SLC9A9: variants seen among roughly 807,000 people sequenced by gnomAD.
SLC9A9 encodes sodium/hydrogen exchanger 9.
Under a neutral mutation model 77.8 loss-of-function variants are expected in SLC9A9, and 62 were observed. The ratio of observed to expected loss-of-function variants is 0.80; its 90% confidence interval spans 0.65 to 0.98. SLC9A9 has a LOEUF of 0.98. Ranked by LOEUF, SLC9A9 falls within the 50% of genes least tolerant of loss-of-function variation. The pLI is 0.00. For missense variants in SLC9A9, 775 were observed against 774.9 expected, an observed-to-expected ratio of 1.00 and a Z score of 0.00; for synonymous variants, 320 against 283.5, an observed-to-expected ratio of 1.13 and a Z score of -1.29.
rs868591297 is a variant in SLC9A9, at chr3:143,786,650, C to T, written c.533+8351G>A. On this transcript the variant is annotated intron_variant, in intron 4 of 15. Coordinates refer to ENST00000316549, the MANE Select transcript of SLC9A9 (RefSeq NM_173653.4). ...GCTGTGATATGCATATGAGAAACCA[C>T]ACTGCTATGCAGCTTGGGTTGTACT... Among the ~76,000 whole-genome samples the T allele has an allele frequency of 6.6e-5, 10 of 152,322 alleles. No individual in the cohort carries two copies. The East Asian group carries it at 7.7e-4, about 12-fold the overall frequency.
chr3:143,421,816 G>C (rs1343380857), intron 12 of SLC9A9, among the ~76,000 whole-genome samples: 1 of 152,144 alleles, frequency 6.6e-6, no homozygotes, highest in African/African-American at 2.4e-5. Flanking sequence ...CACAGAATAG[G>C]AGAAAATATT....
At chr3:143,674,881 T>C (rs1171771974) in intron 5 of SLC9A9, among the ~76,000 whole-genome samples, 1 of 152,236 alleles carries the variant, frequency 6.6e-6, no homozygotes, top group Non-Finnish European at 1.5e-5. Flanking sequence ...TTCATCTCAA[T>C]AATTCTTGAC....
At chr3:143,379,701 G>T (rs868266257) in intron 13 of SLC9A9, among the ~76,000 whole-genome samples, 1 of 152,126 alleles carries the variant, frequency 6.6e-6, no homozygotes, top group African/African-American at 2.4e-5. Context: ...CACTTGAGGA[G>T]AGGGTATTAT....
chr3:143,595,740 G>A (rs190645657), intron 6 of SLC9A9, among the ~76,000 whole-genome samples: 309 of 152,276 alleles, frequency 2.0e-3, no homozygotes, highest in African/African-American at 7.1e-3. Flanking sequence ...GGGAATAAAC[G>A]TGGGCAATAA....
chr3:143,599,480 A>C (rs2037810063), intron 6 of SLC9A9, among the ~76,000 whole-genome samples: 2 of 152,158 alleles, frequency 1.3e-5, no homozygotes, highest in South Asian at 4.1e-4. Flanking sequence ...GTTGCTATTA[A>C]TTGTAGTTGA....
chr3:143,419,255 C>T (rs532653852), intron 12 of SLC9A9, among the ~76,000 whole-genome samples: 5 of 152,294 alleles, frequency 3.3e-5, no homozygotes, highest in African/African-American at 9.6e-5. Context: ...CTAAGCACCT[C>T]ACGTAGAGAA....
intron 11 of SLC9A9, among the ~76,000 whole-genome samples, chr3:143,486,285 C>A (rs2035651671): frequency 6.6e-6 from 1 of 152,048 alleles, no homozygotes; most frequent in Non-Finnish European, 1.5e-5. Flanking sequence ...ATCATTGAAC[C>A]TATCCTTTAA....
At chr3:143,811,720 C>T (rs968142758) in intron 2 of SLC9A9, 19 of 454,774 alleles carry the variant, frequency 4.2e-5, no homozygotes, top group Non-Finnish European at 7.1e-5. Flanking sequence ...AAATTAGCCA[C>T]GCACAGTGGC....
At chr3:143,836,893 G>T (rs2009582522) in intron 1 of SLC9A9, among the ~76,000 whole-genome samples, 1 of 152,018 alleles carries the variant, frequency 6.6e-6, no homozygotes, top group Non-Finnish European at 1.5e-5. Context: ...CTTCCCTTCT[G>T]CCAAATCCTG....
chr3:143,296,013 G>A (rs1001795311), intron 14 of SLC9A9, among the ~76,000 whole-genome samples: 6 of 152,216 alleles, frequency 3.9e-5, no homozygotes, highest in Non-Finnish European at 4.4e-5. Flanking sequence ...AGTTAATAAT[G>A]TGGCATTGCC....
At chr3:143,394,660 T>C in intron 12 of SLC9A9, among the ~76,000 whole-genome samples, 1 of 152,172 alleles carries the variant, frequency 6.6e-6, no homozygotes, top group East Asian at 1.9e-4. Context: ...GGAAGTCAAA[T>C]TGTCCCTGTT....
At chr3:143,664,026 T>C (rs2039022317) in intron 5 of SLC9A9, among the ~76,000 whole-genome samples, 1 of 151,510 alleles carries the variant, frequency 6.6e-6, no homozygotes, top group South Asian at 2.1e-4. Flanking sequence ...GACACGTAAT[T>C]GTCAGATTCA....
chr3:143,606,400 A>ATC lies in SLC9A9; in HGVS notation c.756-27679_756-27678dup, dbSNP rs746582477. Reference sequence around the variant, plus strand: ...CACTTCAGACTGGGCGAAAGAGTGAATCTCTCTCTCTCTCTCTCTCTCTCT... The same window carrying ATC: ...CACTTCAGACTGGGCGAAAGAGTGAATCTCTCTCTCTCTCTCTCTCTCTCTCT... On this transcript the variant is annotated intron_variant, in intron 6 of 15. Coordinates refer to ENST00000316549, the MANE Select transcript of SLC9A9 (RefSeq NM_173653.4). Among the ~76,000 whole-genome samples the ATC allele has an allele frequency of 4.5e-3, 343 of 76,408 alleles. 5 individuals are homozygous for ATC. Among genetic ancestry groups the ATC allele is most frequent in the African/African-American group, 0.012 (209 of 17,642 alleles). The allele number at this position is 76,408 out of a possible 152,430, so 50.1% of individuals were successfully genotyped here. A position where few individuals can be genotyped will look rare whatever the true frequency, so the allele number is the denominator to read the frequency against.
chr3:143,774,011 G>A (rs1231649105), intron 4 of SLC9A9, among the ~76,000 whole-genome samples: 1 of 152,144 alleles, frequency 6.6e-6, no homozygotes, highest in Non-Finnish European at 1.5e-5. Flanking sequence ...AAATGCAAAT[G>A]CAATAACAGA....
At chr3:143,740,005 G>T (rs1325973788) in intron 4 of SLC9A9, among the ~76,000 whole-genome samples, 1 of 152,108 alleles carries the variant, frequency 6.6e-6, no homozygotes, top group East Asian at 1.9e-4. Flanking sequence ...TTCTCAGTCG[G>T]GTTTCCATAT....
At chr3:143,739,156 C>A (rs1387449242) in intron 4 of SLC9A9, among the ~76,000 whole-genome samples, 1 of 152,060 alleles carries the variant, frequency 6.6e-6, no homozygotes. Context: ...CAGTCCCCAC[C>A]CTGCAGCTCT....
intron 2 of SLC9A9, among the ~76,000 whole-genome samples, chr3:143,798,983 C>G (rs930157631): frequency 6.6e-6 from 1 of 152,124 alleles, no homozygotes; most frequent in Non-Finnish European, 1.5e-5. Context: ...TGCTCCTCCA[C>G]CCTATAATCC....
intron 6 of SLC9A9, among the ~76,000 whole-genome samples, chr3:143,637,106 C>T (rs1033434748): frequency 7.9e-5 from 12 of 152,172 alleles, no homozygotes; most frequent in African/African-American, 2.9e-4. Context: ...AAGGATCACA[C>T]TAGCTCTCTA....
intron 12 of SLC9A9, among the ~76,000 whole-genome samples, chr3:143,466,405 C>T (rs1004491739): frequency 5.3e-5 from 8 of 152,212 alleles, no homozygotes; most frequent in African/African-American, 1.9e-4. Flanking sequence ...ACCAGCTACC[C>T]GTTTCTGTCA....
Sources: allele counts gnomAD v4.1 joint callset (sites outside exome capture counted in the v4.1 genomes callset), GRCh38; gene constraint gnomAD v4.1.1; transcripts MANE v1.5; gene names NCBI Gene and HGNC (gene_info 2026-07-23, HGNC 2026-07-21).